Variants in SCN9A observed in about 807,000 individuals in gnomAD.
SCN9A encodes the protein sodium voltage-gated channel alpha subunit 9, also known as sodium channel protein type 9 subunit alpha.
Under a neutral mutation model 187.0 loss-of-function variants are expected in SCN9A, and 131 were observed. The ratio of observed to expected loss-of-function variants is 0.70; its 90% confidence interval spans 0.61 to 0.81. The LOEUF is 0.81. SCN9A is among the 30% of genes least tolerant of loss of function. The probability of loss-of-function intolerance (pLI) is 0.00; values close to 1 mark genes in which losing one functional copy is unlikely to be tolerated. For synonymous variants in SCN9A, 809 were observed against 808.6 expected (o/e 1.00, Z -0.01); for missense variants, 2,252 against 2,396.6 (o/e 0.94, Z 1.26).
Position 166,288,466 on chromosome 2 carries a change from G to A in SCN9A, c.1285C>T (p.Arg429Cys), listed in dbSNP as rs763256222. ...GCTTCTTCTTGCTCTTTTTTAAGAC[G>A]GTCTAACATCTGTTGAAATTCTAAT... is the stretch of plus-strand genomic sequence containing the variant. ...KELEFQQMLD[R>C]LKKEQEEAEA... is the part of the protein sequence containing the mutation. Residue 429 changes from arginine (R) to cysteine (C), a missense_variant, in exon 10 of 27, where the codon CGT becomes TGT. By Grantham distance (180) the Arg-to-Cys change is radical (BLOSUM62 -3). Around this residue, in one of 7 missense-constraint regions of SCN9A, gnomAD observed 1,013 missense variants for 997.4 expected, o/e 1.02. Transcript: ENST00000642356. 2.5e-5 allele frequency: 40 copies of A among 1,609,914 alleles called. No individual in the cohort carries two copies. The Middle Eastern group carries it at 5.0e-4, about 20-fold the overall frequency.
intron 1 of SCN9A, among the ~76,000 whole-genome samples, chr2:166,358,771 T>C (rs950872196): frequency 6.6e-6 from 1 of 152,172 alleles, no homozygotes; most frequent in African/African-American, 2.4e-5. Context: ...GGTTTTCACA[T>C]GCATATGTGA....
chr2:166,218,634 A>G (rs991355022), intron 24 of SCN9A, among the ~76,000 whole-genome samples: 3 of 152,154 alleles, frequency 2.0e-5, no homozygotes, highest in Admixed American at 6.5e-5. Context: ...CAGCCTAGGC[A>G]ATACCATTCA....
chr2:166,368,331 C>T (rs72884802), intron 1 of SCN9A, among the ~76,000 whole-genome samples: 4,278 of 152,182 alleles, frequency 0.028, 79 homozygotes, highest in Non-Finnish European at 0.041. Flanking sequence ...ATGTATTTTT[C>T]CTTGTAACAG....
intron 1 of SCN9A, among the ~76,000 whole-genome samples, chr2:166,361,802 G>GT (rs1208196672): frequency 2.0e-5 from 3 of 151,926 alleles, no homozygotes; most frequent in East Asian, 1.9e-4. Context: ...AAGGAACATT[G>GT]TTTTTTTAAA....
At position 166,288,110 on chromosome 2, in the gene SCN9A, T is replaced by C. The variant is rs1313570674; in HGVS notation, c.1314+327A>G. 2.0e-4 allele frequency among the ~76,000 whole-genome samples: 23 copies of C among 113,660 alleles called. No individual in the cohort carries two copies. In the East Asian group the frequency reaches 2.6e-3, roughly 13 times the overall value. The allele number at this position is 113,660 out of a possible 152,430, so 74.6% of individuals were successfully genotyped here. On this transcript the variant is annotated intron_variant, in intron 10 of 26. Coordinates refer to ENST00000642356, the MANE Select transcript of SCN9A (RefSeq NM_001365536.1). ...CCATGTGTTTATATATATATATATA[T>C]ATATATATATACACACACATTTATA...
At chr2:166,309,888 G>T (rs957044427) in intron 2 of SCN9A, among the ~76,000 whole-genome samples, 5 of 148,676 alleles carry the variant, frequency 3.4e-5, no homozygotes, top group Admixed American at 1.3e-4. Flanking sequence ...GCATGGTACT[G>T]GTACCAAAAC....
At chr2:166,241,122 T>G (rs1430528663) in intron 19 of SCN9A, among the ~76,000 whole-genome samples, 1 of 152,136 alleles carries the variant, frequency 6.6e-6, no homozygotes, top group Non-Finnish European at 1.5e-5. Flanking sequence ...ATCAACCTAT[T>G]AGCATATAAG....
intron 1 of SCN9A, among the ~76,000 whole-genome samples, chr2:166,366,846 G>A (rs572237867): frequency 1.4e-4 from 21 of 152,240 alleles, no homozygotes; most frequent in Middle Eastern, 3.4e-3. Context: ...CAGTATCTAA[G>A]TGGATAATAG....
chr2:166,305,660 A>C, intron 5 of SCN9A, 132 bp downstream of exon 5: 1 of 1,216,180 alleles, frequency 8.2e-7, no homozygotes, highest in South Asian at 1.4e-5. Flanking sequence ...GCTTTCATAT[A>C]GCTTCCATTT....
chr2:166,363,623 T>C (rs1422300475), intron 1 of SCN9A, among the ~76,000 whole-genome samples: 2 of 143,162 alleles, frequency 1.4e-5, no homozygotes, highest in East Asian at 3.9e-4. Flanking sequence ...AAAAACCAGA[T>C]CTCTGGGGAC....
At chr2:166,232,068 G>A (rs1214626948) in intron 21 of SCN9A, among the ~76,000 whole-genome samples, 3 of 152,262 alleles carry the variant, frequency 2.0e-5, no homozygotes, top group African/African-American at 4.8e-5. Flanking sequence ...CTATACAAAC[G>A]GGTTAGGGTC....
intron 9 of SCN9A, among the ~76,000 whole-genome samples, chr2:166,289,145 A>AT (rs1385215288): frequency 8.1e-5 from 12 of 147,528 alleles, no homozygotes; most frequent in Admixed American, 1.4e-4. Context: ...TTAAAATAGA[A>AT]TTTTTTTTCA....
At chr2:166,331,031 C>A (rs1699490636) in intron 1 of SCN9A, among the ~76,000 whole-genome samples, 1 of 151,884 alleles carries the variant, frequency 6.6e-6, no homozygotes, top group African/African-American at 2.4e-5. Flanking sequence ...AAATTAGGCA[C>A]AAAAGACAGA....
At position 166,330,738 on chromosome 2, in the gene SCN9A, G is replaced by A. The variant is rs142707672; in HGVS notation, c.-50-18932C>T. Among the ~76,000 whole-genome samples, 1,018 of 152,214 alleles carry A rather than the reference G, an allele frequency of 6.7e-3. 45 individuals carry two copies. Among genetic ancestry groups the A allele is most frequent in the Admixed American group, 0.062 (945 of 15,286 alleles). ...AAGGAGTGTGCAACTTAGATCCCTC[G>A]TATGTGCAGTTCACAATAAAGCTTG... On this transcript the variant is annotated intron_variant, in intron 1 of 26. Coordinates refer to ENST00000642356, the MANE Select transcript of SCN9A (RefSeq NM_001365536.1).
intron 7 of SCN9A, chr2:166,302,162 T>G (rs1037923672): frequency 2.7e-5 from 4 of 150,932 alleles, no homozygotes; most frequent in Non-Finnish European, 5.9e-5. Context: ...ATACCACACC[T>G]GGGTCAAATT....
intron 1 of SCN9A, among the ~76,000 whole-genome samples, chr2:166,331,057 A>G (rs749000031): frequency 2.0e-5 from 3 of 152,210 alleles, no homozygotes; most frequent in Non-Finnish European, 2.9e-5. Context: ...ATAAAAGTGA[A>G]TGTTTATTAA....
intron 7 of SCN9A, chr2:166,298,642 G>A (rs1398368213): frequency 2.6e-5 from 4 of 152,092 alleles, no homozygotes; most frequent in Admixed American, 6.6e-5. Flanking sequence ...ATTTGCCTTA[G>A]CACTTTCTCA....
chr2:166,337,329 T>C lies in SCN9A; in HGVS notation c.-50-25523A>G, dbSNP rs951611599. On this transcript the variant is annotated intron_variant, in intron 1 of 26. Coordinates refer to ENST00000642356, the MANE Select transcript of SCN9A (RefSeq NM_001365536.1). Reference sequence around the variant, plus strand: ...CAGGGAAGAAAAATGATAAATCCAATTTTGGACATCCTGTGTTTGAGATGC... The same window carrying C: ...CAGGGAAGAAAAATGATAAATCCAACTTTGGACATCCTGTGTTTGAGATGC... Among the ~76,000 whole-genome samples the C allele has an allele frequency of 5.9e-5, 9 of 152,056 alleles. No homozygotes were observed. In the East Asian group the frequency reaches 1.7e-3, roughly 29 times the overall value.
chr2:166,253,204 G>T (rs2226711), intron 17 of SCN9A, among the ~76,000 whole-genome samples: 133,126 of 151,662 alleles, frequency 0.88, 58,480 homozygotes, highest in East Asian at 0.95. Context: ...AAAATGGCAT[G>T]GATAAAGTAT....
Sources: gnomAD v4.1 joint callset for allele counts (sites outside exome capture counted in the v4.1 genomes callset) on GRCh38, gnomAD v4.1.1 for gene constraint, gnomAD v4.1.1 regional missense constraint, MANE v1.5 for transcripts, NCBI Gene and HGNC (gene_info 2026-07-23, HGNC 2026-07-21) for gene names.